AGMO: variants seen among roughly 807,000 people sequenced by gnomAD.
The protein encoded by AGMO is alkylglycerol monooxygenase.
Under a neutral mutation model 60.2 loss-of-function variants are expected in AGMO, and 75 were observed. The observed-to-expected ratio is 1.25, with a 90% CI of 1.03 to 1.51. The LOEUF (loss-of-function observed/expected upper bound fraction) is 1.51, where lower values mean the gene tolerates loss of function less well. Ranked by LOEUF, AGMO falls within the 40% of genes most tolerant of loss-of-function variation. The probability of loss-of-function intolerance (pLI) is 0.00; values close to 1 mark genes in which losing one functional copy is unlikely to be tolerated. For synonymous variants in AGMO, 261 were observed against 177.1 expected, an observed-to-expected ratio of 1.47 and a Z score of -3.76; for missense variants, 763 against 525.5, an observed-to-expected ratio of 1.45 and a Z score of -4.42.
chr7:15,527,032 C>T lies in AGMO; in HGVS notation c.409+17740G>A, dbSNP rs142162294. Among the ~76,000 whole-genome samples, 548 of 152,146 alleles carry T rather than the reference C, an allele frequency of 3.6e-3. 4 individuals are homozygous for T. The highest frequency in any genetic ancestry group is 0.012 in the African/African-American group (504 of 41,484). ...CCCTGTCTTTCTCTCTCTCATTGTG[C>T]CTCCCTGTTCCCTGAGACACAGCAA... On this transcript the variant is annotated intron_variant, in intron 3 of 12. Coordinates refer to ENST00000342526, the MANE Select transcript of AGMO (RefSeq NM_001004320.2).
At chr7:15,190,153 A>T in the AGMO span, among the ~76,000 whole-genome samples, 1 of 1,500 alleles carries the variant, frequency 6.7e-4, no homozygotes, top group Non-Finnish European at 1.3e-3. Context: ...ATATATATAT[A>T]TATATTTATA....
chr7:15,233,249 G>A (rs908322230), intron 12 of AGMO, among the ~76,000 whole-genome samples: 3 of 152,158 alleles, frequency 2.0e-5, no homozygotes, highest in Admixed American at 6.5e-5. Context: ...TGAAAAGCAT[G>A]TTAAAATCTG....
At chr7:15,156,092 G>A in the AGMO span, among the ~76,000 whole-genome samples, 1 of 152,102 alleles carries the variant, frequency 6.6e-6, no homozygotes, top group African/African-American at 2.4e-5. Context: ...AGGGGTGGGG[G>A]GTCCTTGTAC....
chr7:15,305,773 T>C (rs533809820), intron 12 of AGMO, among the ~76,000 whole-genome samples: 1 of 152,064 alleles, frequency 6.6e-6, no homozygotes, highest in African/African-American at 2.4e-5. Context: ...ACTAGAATTC[T>C]AGAGAAATCA....
At chr7:15,402,613 AAT>A (rs1326189817) in intron 5 of AGMO, among the ~76,000 whole-genome samples, 4 of 145,194 alleles carry the variant, frequency 2.8e-5, no homozygotes, top group Admixed American at 6.9e-5. Flanking sequence ...ATTTAATAAT[AAT>A]ATATATTAAA....
At chr7:15,162,699 T>G in the AGMO span, among the ~76,000 whole-genome samples, 1 of 152,046 alleles carries the variant, frequency 6.6e-6, no homozygotes, top group South Asian at 2.1e-4. Flanking sequence ...ATCTCAAAAA[T>G]AGTAATAATA....
intron 12 of AGMO, among the ~76,000 whole-genome samples, chr7:15,325,886 T>C (rs1252051893): frequency 2.0e-5 from 3 of 152,134 alleles, no homozygotes; most frequent in Non-Finnish European, 2.9e-5. Context: ...AATTTGTTTC[T>C]GTCCCCTTTA....
At chr7:15,346,762 T>G (rs926551539) in intron 12 of AGMO, among the ~76,000 whole-genome samples, 1 of 151,952 alleles carries the variant, frequency 6.6e-6, no homozygotes, top group East Asian at 1.9e-4. Flanking sequence ...GGAAAACATT[T>G]TAGTGCAGAA....
At chr7:15,437,524 T>A (rs974582903) in intron 3 of AGMO, among the ~76,000 whole-genome samples, 3 of 133,070 alleles carry the variant, frequency 2.3e-5, no homozygotes, top group African/African-American at 8.7e-5. Flanking sequence ...AGCAACCAAA[T>A]TTTTTCCTTT....
At chr7:15,222,284 T>C (rs1321270028) in intron 12 of AGMO, among the ~76,000 whole-genome samples, 1 of 152,096 alleles carries the variant, frequency 6.6e-6, no homozygotes, top group East Asian at 1.9e-4. Context: ...ATTTAATTAA[T>C]TAGTTCACAG....
chr7:15,440,281 T>C (rs1000642125), intron 3 of AGMO, among the ~76,000 whole-genome samples: 10 of 152,084 alleles, frequency 6.6e-5, no homozygotes, highest in South Asian at 4.1e-4. Flanking sequence ...TGCTTCAAAT[T>C]CCCAAAAGCC....
chr7:15,364,566 G>A (rs917497829), intron 12 of AGMO, among the ~76,000 whole-genome samples: 3 of 151,908 alleles, frequency 2.0e-5, no homozygotes, highest in East Asian at 3.9e-4. Context: ...GACAAATAAT[G>A]CTGCAAGGAA....
chr7:15,233,077 T>G (rs1475466040), intron 12 of AGMO, among the ~76,000 whole-genome samples: 1 of 152,214 alleles, frequency 6.6e-6, no homozygotes, highest in Non-Finnish European at 1.5e-5. Flanking sequence ...AATAGCCATG[T>G]AGGTTTGATT....
the AGMO span, among the ~76,000 whole-genome samples, chr7:15,119,771 CT>C: frequency 1.0e-3 from 155 of 152,208 alleles, no homozygotes; most frequent in African/African-American, 3.6e-3. Flanking sequence ...ACTTTTTCCC[CT>C]AGCCTCAATC....
chr7:15,297,307 T>C (rs1398109986), intron 12 of AGMO, among the ~76,000 whole-genome samples: 1 of 152,184 alleles, frequency 6.6e-6, no homozygotes, highest in Non-Finnish European at 1.5e-5. Flanking sequence ...TTTTAATACT[T>C]CTAAAGGACA....
chr7:15,294,276 A>G (rs1784353350), intron 12 of AGMO, among the ~76,000 whole-genome samples: 1 of 152,058 alleles, frequency 6.6e-6, no homozygotes, highest in Non-Finnish European at 1.5e-5. Flanking sequence ...CTTAGCTATA[A>G]CATGCTAGAA....
chr7:15,176,829 T>C, the AGMO span, among the ~76,000 whole-genome samples: 2 of 151,954 alleles, frequency 1.3e-5, no homozygotes, highest in Non-Finnish European at 2.9e-5. Flanking sequence ...GTTTTGGTGT[T>C]ACTGAAATCA....
chr7:15,223,330 A>C (rs777060644), intron 12 of AGMO, among the ~76,000 whole-genome samples: 1 of 151,926 alleles, frequency 6.6e-6, no homozygotes, highest in Non-Finnish European at 1.5e-5. Flanking sequence ...TAGCAGGTAC[A>C]ATTTTTGATA....
At chr7:15,359,917 C>G (rs1333249171) in intron 12 of AGMO, among the ~76,000 whole-genome samples, 2 of 152,052 alleles carry the variant, frequency 1.3e-5, no homozygotes, top group Non-Finnish European at 2.9e-5. Context: ...CTCAGAGAAA[C>G]TAACTGGGAA....
Sources: gnomAD v4.1 joint callset for allele counts (sites outside exome capture counted in the v4.1 genomes callset) on GRCh38, gnomAD v4.1.1 for gene constraint, MANE v1.5 for transcripts, NCBI Gene and HGNC (gene_info 2026-07-23, HGNC 2026-07-21) for gene names.